SCUBE1: variants seen among roughly 807,000 people sequenced by gnomAD.
The protein encoded by SCUBE1 is signal peptide, CUB and EGF-like domain-containing protein 1.
A neutral mutation model predicts 124.4 loss-of-function variants in SCUBE1; 59 were observed. The observed-to-expected ratio is 0.47, with a 90% CI of 0.38 to 0.59. The LOEUF (loss-of-function observed/expected upper bound fraction) is 0.59. Ranked by LOEUF, SCUBE1 falls within the 20% of genes least tolerant of loss-of-function variation. The pLI is 0.00. For missense variants in SCUBE1, 1,150 were observed against 1,371.2 expected (o/e 0.84, Z 2.55); for synonymous variants, 545 against 550.9 (o/e 0.99, Z 0.15).
At chr22:43,302,147 T>C (rs1925798248) in intron 3 of SCUBE1, among the ~76,000 whole-genome samples, 1 of 151,890 alleles carries the variant, frequency 6.6e-6, no homozygotes, top group African/African-American at 2.4e-5. Flanking sequence ...TGCCCGAGAG[T>C]GGGGAGCTTG....
intron 7 of SCUBE1, among the ~76,000 whole-genome samples, chr22:43,236,682 A>G (rs1371028150): frequency 6.6e-6 from 1 of 151,924 alleles, no homozygotes; most frequent in Non-Finnish European, 1.5e-5. Context: ...CCCTGCCCCC[A>G]TCATTGCCTG....
chr22:43,280,395 C>T (rs1014384702), intron 4 of SCUBE1, among the ~76,000 whole-genome samples: 10 of 140,242 alleles, frequency 7.1e-5, no homozygotes, highest in African/African-American at 3.0e-4. Context: ...CACCCATCCC[C>T]CGTCCCTTCC....
intron 1 of SCUBE1, among the ~76,000 whole-genome samples, chr22:43,339,716 T>C (rs1270524928): frequency 1.3e-5 from 1 of 74,610 alleles, no homozygotes; most frequent in Non-Finnish European, 2.5e-5. Flanking sequence ...CCTCCCCCAC[T>C]CTCCTCATTC....
chr22:43,333,395 T>C (rs1894717), intron 2 of SCUBE1, among the ~76,000 whole-genome samples: 63,449 of 152,106 alleles, frequency 0.42, 15,532 homozygotes, highest in African/African-American at 0.67. Context: ...ATGTGGAGGC[T>C]ATGCCATCAT....
intron 3 of SCUBE1, among the ~76,000 whole-genome samples, chr22:43,306,022 A>T (rs1023395609): frequency 3.3e-5 from 5 of 152,176 alleles, no homozygotes; most frequent in Non-Finnish European, 7.3e-5. Context: ...CACTATAAAC[A>T]GCTGGAACCT....
chr22:43,255,355 C>T lies in SCUBE1; in HGVS notation c.727+2864G>A. 1.3e-6 allele frequency: 1 copy of T among 778,544 alleles called. No homozygotes were observed. The highest frequency in any genetic ancestry group is 2.2e-6 in the Non-Finnish European group (1 of 461,172). 48.2% of individuals were successfully genotyped at this position (778,544 alleles called of 1,614,324 possible). ...CACCCCACAACACAGACATATGCCC[C>T]CACACGCACACGTCACACCCACACA... On this transcript the variant is annotated intron_variant, in intron 6 of 21. Coordinates refer to ENST00000360835, the MANE Select transcript of SCUBE1 (RefSeq NM_173050.5). The surrounding 1 kb of genome is among the most constrained non-coding windows in gnomAD (Gnocchi z 4.7).
intron 3 of SCUBE1, among the ~76,000 whole-genome samples, chr22:43,307,982 T>C (rs1258081373): frequency 6.6e-6 from 1 of 151,768 alleles, no homozygotes; most frequent in Non-Finnish European, 1.5e-5. Flanking sequence ...CCCCCTGTAA[T>C]AAACACCCCA....
chr22:43,241,974 C>T (rs978251166), intron 6 of SCUBE1, among the ~76,000 whole-genome samples: 1 of 152,254 alleles, frequency 6.6e-6, no homozygotes, highest in African/African-American at 2.4e-5. Context: ...GCTGCAGCCT[C>T]TTGCCTGGGG....
intron 3 of SCUBE1, among the ~76,000 whole-genome samples, chr22:43,300,787 T>C (rs891405694): frequency 6.6e-6 from 1 of 152,016 alleles, no homozygotes; most frequent in Non-Finnish European, 1.5e-5. Context: ...CCACCCCATC[T>C]ACATTTTGTT....
At chr22:43,321,496 G>A (rs961907500) in intron 2 of SCUBE1, among the ~76,000 whole-genome samples, 11 of 152,198 alleles carry the variant, frequency 7.2e-5, no homozygotes, top group Non-Finnish European at 1.2e-4. Context: ...CCTGATGCCT[G>A]CCAGAGATGC....
chr22:43,338,427 C>T (rs192808735), intron 2 of SCUBE1, among the ~76,000 whole-genome samples: 7 of 152,282 alleles, frequency 4.6e-5, no homozygotes, highest in African/African-American at 1.7e-4. Flanking sequence ...CTCTGGGGGT[C>T]GGGGGGCAAG....
At chr22:43,314,555 C>G (rs1926279117) in intron 3 of SCUBE1, among the ~76,000 whole-genome samples, 1 of 152,184 alleles carries the variant, frequency 6.6e-6, no homozygotes, top group South Asian at 2.1e-4. Flanking sequence ...ACGCCTACCA[C>G]TCCACATTAC....
chr22:43,301,997 G>T (rs909383970), intron 3 of SCUBE1, among the ~76,000 whole-genome samples: 2 of 152,234 alleles, frequency 1.3e-5, no homozygotes, highest in African/African-American at 4.8e-5. Context: ...ACCTGCTCAA[G>T]GAAGCAGCTC....
At chr22:43,223,930 A>T (rs1987044623) in intron 10 of SCUBE1, among the ~76,000 whole-genome samples, 1 of 152,142 alleles carries the variant, frequency 6.6e-6, no homozygotes. Context: ...CACACAGGCC[A>T]TGCTTCTAGA....
intron 6 of SCUBE1, among the ~76,000 whole-genome samples, chr22:43,243,577 C>G (rs1923089963): frequency 6.6e-6 from 1 of 152,202 alleles, no homozygotes; most frequent in African/African-American, 2.4e-5. Context: ...TTTGGGTTGG[C>G]ACTGCCTGCT....
rs375975895 is a variant in SCUBE1 at position 43,214,251 on chromosome 22, A to C, written c.1892T>G (p.Val631Gly). 1.2e-6 allele frequency: 2 copies of C among 1,611,216 alleles called. No individual in the cohort carries two copies. Among genetic ancestry groups the C allele is most frequent in the African/African-American group, 2.7e-5 (2 of 74,918 alleles). ...GAAGTGGGTGCCAGGCCCACAGGCA[A>C]CTGCAGAGGCAAAGCGGAGAGGCTG... ...AGQVLQDSKC[V>G]ACGPGTHFGG... The change falls in exon 16 of 22, where the codon GTT (valine) becomes GGT (glycine). Residue 631 changes from valine (V) to glycine (G), a missense_variant and splice_region_variant. Around this residue, in one of 3 missense-constraint regions of SCUBE1, gnomAD observed 757 missense variants for 840.9 expected, o/e 0.90. Transcript: ENST00000360835.
At chr22:43,289,091 G>A (rs1284309524) in intron 4 of SCUBE1, among the ~76,000 whole-genome samples, 1 of 152,216 alleles carries the variant, frequency 6.6e-6, no homozygotes, top group Non-Finnish European at 1.5e-5. Flanking sequence ...AGAAAGCCGG[G>A]CTTCAAAGGA....
chr22:43,288,028 C>T (rs180714739), intron 4 of SCUBE1, among the ~76,000 whole-genome samples: 187 of 152,330 alleles, frequency 1.2e-3, no homozygotes, highest in Non-Finnish European at 2.2e-3. Context: ...GAATGCTGCA[C>T]CTTGTCGTTC....
chr22:43,275,412 G>A (rs956663573), intron 4 of SCUBE1, among the ~76,000 whole-genome samples: 1 of 152,210 alleles, frequency 6.6e-6, no homozygotes, highest in African/African-American at 2.4e-5. Context: ...AGTCCCTCAT[G>A]AGATGGTCTC....
Sources: gnomAD v4.1 joint callset for allele counts (sites outside exome capture counted in the v4.1 genomes callset) on GRCh38, gnomAD v4.1.1 for gene constraint, gnomAD v4.1.1 regional missense constraint, Gnocchi (gnomAD v3.1) non-coding constraint, MANE v1.5 for transcripts, NCBI Gene and HGNC (gene_info 2026-07-23, HGNC 2026-07-21) for gene names.